The following SMG6 variants were observed in gnomAD, a reference collection of about 807,000 sequenced individuals.
SMG6 encodes SMG6 nonsense mediated mRNA decay factor.
SMG6 carries 66 observed loss-of-function variants against 142.2 expected under a neutral mutation model. The ratio of observed to expected loss-of-function variants is 0.46; its 90% CI spans 0.38 to 0.57. The LOEUF (loss-of-function observed/expected upper bound fraction) is 0.57, where lower values mean the gene tolerates loss of function less well. Among genes scored for constraint, SMG6 ranks in the 20% least tolerant of loss-of-function variants. The pLI is 0.00. For missense variants in SMG6, 1,793 were observed against 1,832.0 expected, an observed-to-expected ratio of 0.98 and a Z score of 0.39; for synonymous variants, 779 against 702.4, an observed-to-expected ratio of 1.11 and a Z score of -1.72.
chr17:2,287,986 A>T (rs558301844), intron 6 of SMG6, among the ~76,000 whole-genome samples: 30 of 152,216 alleles, frequency 2.0e-4, no homozygotes, highest in Non-Finnish European at 1.8e-4. Flanking sequence ...CTACAATATG[A>T]ATGTACGTAA....
At chr17:2,126,969 T>C (rs891125341) in intron 13 of SMG6, among the ~76,000 whole-genome samples, 6 of 151,472 alleles carry the variant, frequency 4.0e-5, no homozygotes, top group Non-Finnish European at 8.8e-5. Context: ...CATATACGCG[T>C]GAACACACGC....
intron 9 of SMG6, among the ~76,000 whole-genome samples, chr17:2,239,664 T>G (rs972892209): frequency 1.3e-5 from 2 of 152,232 alleles, no homozygotes; most frequent in African/African-American, 4.8e-5. Context: ...ATGGGTAATT[T>G]TTTATTTGTT....
chr17:2,208,060 T>C (rs1298523534), intron 10 of SMG6, among the ~76,000 whole-genome samples: 1 of 152,164 alleles, frequency 6.6e-6, no homozygotes, highest in East Asian at 1.9e-4. Flanking sequence ...GCCCAGGAGT[T>C]TGAGGCTGCA....
intron 13 of SMG6, among the ~76,000 whole-genome samples, chr17:2,109,381 A>G (rs2069245241): frequency 6.6e-6 from 1 of 152,120 alleles, no homozygotes; most frequent in Non-Finnish European, 1.5e-5. Context: ...CTCGTGCCTC[A>G]GCCTCGTAAG....
At chr17:2,298,575 G>C (rs939728775) in intron 2 of SMG6, among the ~76,000 whole-genome samples, 7 of 152,008 alleles carry the variant, frequency 4.6e-5, no homozygotes, top group African/African-American at 1.2e-4. Flanking sequence ...AAAATTAGCC[G>C]GGTGTGGTGG....
At chr17:2,232,310 A>G (rs1053757566) in intron 10 of SMG6, among the ~76,000 whole-genome samples, 2 of 152,192 alleles carry the variant, frequency 1.3e-5, no homozygotes, top group African/African-American at 4.8e-5. Flanking sequence ...ACGTCAACCA[A>G]TGAGATGACT....
chr17:2,259,240 G>A (rs1036996049), intron 8 of SMG6, among the ~76,000 whole-genome samples: 1 of 151,810 alleles, frequency 6.6e-6, no homozygotes, highest in Non-Finnish European at 1.5e-5. Flanking sequence ...AAGTCTTGGA[G>A]ATTAAGGTAA....
At chr17:2,174,328 T>C (rs1319330279) in intron 12 of SMG6, among the ~76,000 whole-genome samples, 1 of 152,184 alleles carries the variant, frequency 6.6e-6, no homozygotes, top group African/African-American at 2.4e-5. Flanking sequence ...AGCAATTTGT[T>C]TCTCCTGGAG....
At chr17:2,201,333 T>C (rs774931633) in intron 10 of SMG6, among the ~76,000 whole-genome samples, 7 of 151,110 alleles carry the variant, frequency 4.6e-5, no homozygotes, top group Non-Finnish European at 8.9e-5. Flanking sequence ...ATAAAACAGA[T>C]GGATGAACAA....
chr17:2,217,094 G>C (rs138628493), intron 10 of SMG6, among the ~76,000 whole-genome samples: 8 of 152,268 alleles, frequency 5.3e-5, no homozygotes, highest in African/African-American at 1.7e-4. Context: ...CCATCCACAA[G>C]GTACTGGACG....
At chr17:2,130,201 A>AGTCCGGGAAGC (rs2070065178) in intron 13 of SMG6, among the ~76,000 whole-genome samples, 1 of 139,420 alleles carries the variant, frequency 7.2e-6, no homozygotes, top group Non-Finnish European at 1.5e-5. Context: ...CGGAGCTTGC[A>AGTCCGGGAAGC]GTGAGCCGAG....
At chr17:2,185,935 T>A (rs962943478) in intron 12 of SMG6, among the ~76,000 whole-genome samples, 1 of 152,016 alleles carries the variant, frequency 6.6e-6, no homozygotes, top group Admixed American at 6.5e-5. Context: ...GCCTTAAAGA[T>A]GCAGAGAAGG....
intron 15 of SMG6, among the ~76,000 whole-genome samples, chr17:2,072,563 C>G (rs1450947869): frequency 6.6e-6 from 1 of 152,126 alleles, no homozygotes; most frequent in East Asian, 1.9e-4. Flanking sequence ...AAAACTTTTG[C>G]AGGTTAAGTT....
chr17:2,129,940 G>A (rs2070053338), intron 13 of SMG6, among the ~76,000 whole-genome samples: 1 of 151,426 alleles, frequency 6.6e-6, no homozygotes, highest in Admixed American at 6.6e-5. Context: ...CAGTAAAGTT[G>A]ATAGATGTAA....
chr17:2,096,262 G>A (rs892257495), intron 13 of SMG6, among the ~76,000 whole-genome samples: 5 of 152,070 alleles, frequency 3.3e-5, no homozygotes, highest in Non-Finnish European at 5.9e-5. Flanking sequence ...GGAGTGCAGT[G>A]GCGCGATCTC....
At chr17:2,164,465 G>A (rs772476134) in intron 13 of SMG6, among the ~76,000 whole-genome samples, 45 of 151,756 alleles carry the variant, frequency 3.0e-4, no homozygotes, top group Non-Finnish European at 5.7e-4. Context: ...AAACTTAGCC[G>A]GGCGTGGTGG....
At chr17:2,137,124 G>A (rs550683451) in intron 13 of SMG6, among the ~76,000 whole-genome samples, 4 of 152,208 alleles carry the variant, frequency 2.6e-5, no homozygotes, top group East Asian at 1.9e-4. Flanking sequence ...CGCAGATCCC[G>A]CCGCTGCACT....
At chr17:2,082,977 G>A (rs1171115305) in intron 14 of SMG6, among the ~76,000 whole-genome samples, 2 of 152,132 alleles carry the variant, frequency 1.3e-5, no homozygotes, top group African/African-American at 4.8e-5. Flanking sequence ...GATAAGATAG[G>A]TGCTATCACC....
At chr17:2,224,567 A>G (rs777470297) in intron 10 of SMG6, among the ~76,000 whole-genome samples, 8 of 152,170 alleles carry the variant, frequency 5.3e-5, no homozygotes, top group Admixed American at 1.3e-4. Context: ...CACAAAAAGA[A>G]GGGAGTCAGA....
Sources: gnomAD v4.1 joint callset for allele counts (sites outside exome capture counted in the v4.1 genomes callset) on GRCh38, gnomAD v4.1.1 for gene constraint, MANE v1.5 for transcripts, NCBI Gene and HGNC (gene_info 2026-07-23, HGNC 2026-07-21) for gene names.